The following AFAP1 variants were observed in gnomAD, a reference collection of about 807,000 sequenced individuals.
AFAP1 encodes actin filament associated protein 1, also known as actin filament-associated protein 1.
Under a neutral mutation model 93.9 loss-of-function variants are expected in AFAP1, and 75 were observed. That is an observed-to-expected ratio of 0.80 (90% confidence interval 0.66 to 0.97). The LOEUF is 0.97. Among genes scored for constraint, AFAP1 ranks in the 50% least tolerant of loss-of-function variants. The pLI is 0.00. For synonymous variants in AFAP1, 517 were observed against 430.7 expected, an observed-to-expected ratio of 1.20 and a Z score of -2.48; for missense variants, 1,201 against 1,050.8, an observed-to-expected ratio of 1.14 and a Z score of -1.98.
At chr4:7,821,306 G>A (rs1352416556) in intron 6 of AFAP1, among the ~76,000 whole-genome samples, 7 of 152,200 alleles carry the variant, frequency 4.6e-5, no homozygotes, top group Admixed American at 2.0e-4. Flanking sequence ...CATGTGGCAC[G>A]TGTACATTCA....
intron 6 of AFAP1, among the ~76,000 whole-genome samples, chr4:7,827,216 G>A (rs995441215): frequency 6.6e-6 from 1 of 151,962 alleles, no homozygotes; most frequent in African/African-American, 2.4e-5. Flanking sequence ...AAACCACAAC[G>A]GAGTATCCAC....
At chr4:7,845,021 G>C (rs1383850215) in intron 4 of AFAP1, among the ~76,000 whole-genome samples, 1 of 152,262 alleles carries the variant, frequency 6.6e-6, no homozygotes, top group Non-Finnish European at 1.5e-5. Context: ...TGGAGTTTAA[G>C]TTGTACTCAG....
Position 7,838,565 on chromosome 4 carries a change from G to C in AFAP1, c.685C>G (p.Leu229Val). 1.9e-6 allele frequency: 3 copies of C among 1,614,110 alleles called. No homozygotes were observed. The highest frequency in any genetic ancestry group is 2.2e-5 in the East Asian group (1 of 44,884). ...ITQQGTDPLV[L>V]AVQSKEQAEQ... Reference sequence around the variant, plus strand: ...GCCTGTTCCTTGCTCTGGACGGCGAGAACAAGCGGGTCCGTGCCCTGCTGA... The same window carrying C: ...GCCTGTTCCTTGCTCTGGACGGCGACAACAAGCGGGTCCGTGCCCTGCTGA... The change falls in exon 6 of 18, where the codon CTC becomes GTC. Residue 229 changes from leucine (L) to valine (V), a missense_variant. Transcript: ENST00000420658.
intron 1 of AFAP1, among the ~76,000 whole-genome samples, chr4:7,882,719 C>G (rs957345949): frequency 2.6e-5 from 4 of 152,070 alleles, no homozygotes; most frequent in Admixed American, 6.6e-5. Context: ...ATTAGCAGGG[C>G]GTGGTGGCAC....
At chr4:7,845,411 GATT>G (rs138117791) in intron 4 of AFAP1, among the ~76,000 whole-genome samples, 17 of 145,260 alleles carry the variant, frequency 1.2e-4, no homozygotes, top group African/African-American at 3.2e-4. Context: ...AACAGAACAA[GATT>G]ATTATTATTA....
chr4:7,935,009 A>C (rs1462372218), intron 1 of AFAP1, among the ~76,000 whole-genome samples: 3 of 152,216 alleles, frequency 2.0e-5, no homozygotes, highest in African/African-American at 7.2e-5. Context: ...CAAAAATGCT[A>C]AAATATAAAA....
rs145663900 is a variant in AFAP1, at chr4:7,801,300, C to T, written c.1055-647G>A. ...CTGCAAAGCGACGGGTGAAGCTGCC[C>T]GGAGGAAATCTAAACTCTAAAGTCT... On this transcript the variant is annotated intron_variant, in intron 9 of 17. Transcript: ENST00000420658. 2.0e-4 allele frequency among the ~76,000 whole-genome samples: 31 copies of T among 152,134 alleles called. No individual in the cohort carries two copies. In the East Asian group the frequency reaches 4.3e-3, roughly 21 times the overall value.
At chr4:7,836,891 C>G (rs572094588) in intron 6 of AFAP1, among the ~76,000 whole-genome samples, 41 of 148,180 alleles carry the variant, frequency 2.8e-4, no homozygotes, top group Non-Finnish European at 3.9e-4. Flanking sequence ...TGAATTATCC[C>G]TCAATAAAGC....
At chr4:7,838,437 C>A in intron 6 of AFAP1, 87 bp downstream of exon 6, 1 of 1,449,616 alleles carries the variant, frequency 6.9e-7, no homozygotes, top group South Asian at 1.5e-5. Flanking sequence ...TATGCTTGAA[C>A]AAAATTAAAA....
intron 10 of AFAP1, among the ~76,000 whole-genome samples, chr4:7,797,846 G>GA (rs750923937): frequency 1.3e-4 from 20 of 151,994 alleles, no homozygotes; most frequent in Admixed American, 2.6e-4. Context: ...AAAAGGTTCT[G>GA]AAAAAAATCC....
intron 11 of AFAP1, among the ~76,000 whole-genome samples, chr4:7,793,088 T>G (rs976410949): frequency 1.3e-5 from 2 of 152,208 alleles, no homozygotes; most frequent in African/African-American, 4.8e-5. Flanking sequence ...GAACTGCTGC[T>G]ACAAATATTC....
chr4:7,777,308 G>C (rs1432060237), intron 14 of AFAP1: 1 of 152,216 alleles, frequency 6.6e-6, no homozygotes, highest in Non-Finnish European at 1.5e-5. Flanking sequence ...GGGAGGATTT[G>C]GCCCAACTGG....
intron 7 of AFAP1, among the ~76,000 whole-genome samples, chr4:7,817,987 GA>G (rs1199346348): frequency 6.6e-6 from 1 of 152,150 alleles, no homozygotes; most frequent in African/African-American, 2.4e-5. Flanking sequence ...TAGTCAAGGA[GA>G]AAAACAGCCT....
At chr4:7,934,014 G>A (rs188938335) in intron 1 of AFAP1, among the ~76,000 whole-genome samples, 3 of 152,176 alleles carry the variant, frequency 2.0e-5, no homozygotes, top group Non-Finnish European at 2.9e-5. Flanking sequence ...TGTCTGGCAC[G>A]GTGTTGACAT....
rs1226752461 is a variant in AFAP1 at position 7,840,414 on chromosome 4, A to G, written c.547-1711T>C. 2.7e-5 allele frequency among the ~76,000 whole-genome samples: 4 copies of G among 150,004 alleles called. No individual in the cohort carries two copies. In the South Asian group the frequency reaches 6.4e-4, roughly 24 times the overall value. On this transcript the variant is annotated intron_variant, in intron 5 of 17. Transcript: ENST00000420658. ...CTGCAACCTCCCCCTCCTGGGTTCAAGCGATTCTCCTGCCTCAGCCTCCTG... is the reference window on the plus strand; with the variant it reads ...CTGCAACCTCCCCCTCCTGGGTTCAGGCGATTCTCCTGCCTCAGCCTCCTG...
rs566845624 is a variant in AFAP1, at chr4:7,914,842, G to A, written c.-3+24814C>T. The stretch of plus-strand genomic sequence containing the variant: ...CGCTCACTGTAGCCTCCACCTCCCA[G>A]GTTCCAGAGGTTCTCATACCTCAGC... On this transcript the variant is annotated intron_variant, in intron 1 of 17. Coordinates refer to ENST00000420658, the MANE Select transcript of AFAP1 (RefSeq NM_001134647.2). Among the ~76,000 whole-genome samples, 171 of 152,202 alleles carry A rather than the reference G, an allele frequency of 1.1e-3. 1 individual carries two copies. Among genetic ancestry groups the A allele is most frequent in the Non-Finnish European group, 1.9e-3 (129 of 68,014 alleles).
At chr4:7,838,498 G>A (rs1577275043) in intron 6 of AFAP1, 26 bp downstream of exon 6, 2 of 1,588,876 alleles carry the variant, frequency 1.3e-6, no homozygotes, top group Non-Finnish European at 1.7e-6. Context: ...AACTGAAATG[G>A]CTGTGAAACA....
rs1417417214 is a variant in AFAP1 at position 7,762,407 on chromosome 4, C to G, written c.*1358G>C. On this transcript the variant is annotated 3_prime_UTR_variant, in exon 18 of 18. Transcript: ENST00000420658. ...GCTACTGGGACTGGTCTCCATGAAT[C>G]TGCCTGCGGAGGCGTTCAGGGGTGA... 3 of 152,250 alleles carry G rather than the reference C, an allele frequency of 2.0e-5. No individual in the cohort carries two copies. The highest frequency in any genetic ancestry group is 7.2e-5 in the African/African-American group (3 of 41,458). 9.4% of individuals were successfully genotyped at this position (152,250 alleles called of 1,614,324 possible).
intron 14 of AFAP1, chr4:7,777,415 T>A (rs533487421): frequency 6.6e-6 from 1 of 152,370 alleles, no homozygotes; most frequent in African/African-American, 2.4e-5. Context: ...AGACGCAGCC[T>A]GGCCCTGCGG....
Sources: allele counts gnomAD v4.1 joint callset (sites outside exome capture counted in the v4.1 genomes callset), GRCh38; gene constraint gnomAD v4.1.1; transcripts MANE v1.5; gene names NCBI Gene and HGNC (gene_info 2026-07-23, HGNC 2026-07-21).